Variants in DOCK8 observed in about 807,000 individuals in gnomAD.
The protein encoded by DOCK8 is dedicator of cytokinesis 8.
DOCK8 carries 141 observed loss-of-function variants against 245.6 expected under a neutral mutation model. The observed-to-expected ratio is 0.57, with a 90% CI of 0.50 to 0.66. The LOEUF (loss-of-function observed/expected upper bound fraction) is 0.66. Among genes scored for constraint, DOCK8 ranks in the 30% least tolerant of loss-of-function variants. The pLI, the probability that DOCK8 is intolerant of heterozygous loss-of-function variation, is 0.00. For missense variants in DOCK8, 2,965 were observed against 2,603.4 expected, an observed-to-expected ratio of 1.14 and a Z score of -3.02; for synonymous variants, 1,168 against 970.2, an observed-to-expected ratio of 1.20 and a Z score of -3.79.
intron 14 of DOCK8, 65 bp from the exon 15 acceptor site, chr9:367,953 C>A: frequency 7.4e-7 from 1 of 1,354,998 alleles, no homozygotes; most frequent in Non-Finnish European, 1.1e-6. Flanking sequence ...TCAGCATTTG[C>A]TGAAGAACTT....
rs533201707 is a variant in DOCK8, at chr9:299,883, G to A, written c.405-4698G>A. Among the ~76,000 whole-genome samples, 21 of 152,150 alleles carry A rather than the reference G, an allele frequency of 1.4e-4. No individual in the cohort carries two copies. In the South Asian group the frequency reaches 2.5e-3, roughly 18 times the overall value. On this transcript the variant is annotated intron_variant, in intron 4 of 47. Transcript: ENST00000432829. ...AAAAATACAAAAAAATTAGCTGGCT[G>A]TGGTGGTGGGCGCCTGTAGTCCAAG...
chr9:350,308 C>G (rs1000879338), intron 14 of DOCK8, among the ~76,000 whole-genome samples: 4 of 152,180 alleles, frequency 2.6e-5, no homozygotes, highest in Admixed American at 6.5e-5. Context: ...GACAAGGTCT[C>G]ACTCTGTTGC....
intron 24 of DOCK8, among the ~76,000 whole-genome samples, chr9:393,523 T>C (rs2054300432): frequency 6.6e-6 from 1 of 152,182 alleles, no homozygotes; most frequent in Non-Finnish European, 1.5e-5. Context: ...AAAGAGAGTC[T>C]CCAAGTCAGC....
chr9:224,781 G>T (rs7873617), intron 1 of DOCK8, among the ~76,000 whole-genome samples: 1,680 of 152,208 alleles, frequency 0.011, 28 homozygotes, highest in African/African-American at 0.039. Context: ...TCATCATACG[G>T]CATTTATACT....
chr9:434,102 T>C (rs2056813171), intron 38 of DOCK8, 127 bp downstream of exon 38: 1 of 728,028 alleles, frequency 1.4e-6, no homozygotes, highest in South Asian at 1.5e-5. Context: ...CCAAATAATA[T>C]ATAGAAATTA....
chr9:368,033 C>G lies in DOCK8; in HGVS notation c.1695C>G (p.Val565=), dbSNP rs142555294. 6.2e-7 allele frequency: 1 copy of G among 1,613,554 alleles called. No individual in the cohort carries two copies. Among genetic ancestry groups the G allele is most frequent in the African/African-American group, 1.3e-5 (1 of 75,038 alleles). ...PHTVYRNLLY[V]YPQRLNFVNK... Reference sequence around the variant, plus strand: ...TCTTTTCCAGAAACCTTCTCTATGTCTACCCACAGAGGCTGAACTTTGTAA... The same window carrying G: ...TCTTTTCCAGAAACCTTCTCTATGTGTACCCACAGAGGCTGAACTTTGTAA... The change falls in exon 15 of 48, where the codon GTC becomes GTG. Residue 565 remains valine (V), a synonymous_variant. Coordinates refer to ENST00000432829, the MANE Select transcript of DOCK8 (RefSeq NM_203447.4).
rs543495038 is a variant in DOCK8, at chr9:429,550, T to A, written c.4474-152T>A. On this transcript the variant is annotated intron_variant, in intron 35 of 47. Coordinates refer to ENST00000432829, the MANE Select transcript of DOCK8 (RefSeq NM_203447.4). ...GTCTACTCCATTGCTTAAATCCATC[T>A]TCTGATTCACATAGCTCATTATCTT... 2.7e-5 allele frequency: 24 copies of A among 904,198 alleles called. No homozygotes were observed. In the African/African-American group the frequency reaches 3.3e-4, roughly 12 times the overall value. 56.0% of individuals were successfully genotyped at this position (904,198 alleles called of 1,614,324 possible).
Position 215,023 on chromosome 9 carries a change from TC to T in DOCK8, c.48del (p.Asn17ThrfsTer8). ...SAERRAFALK[I>X]NRYSSAEIRK... ...GAGCGCCGCGCGTTCGCGCTCAAGA[TC>T]AACAGGTAAGACGCCCCCCGCGGCG... On this transcript the variant is annotated frameshift_variant, in exon 1 of 48. Coordinates refer to ENST00000432829, the MANE Select transcript of DOCK8 (RefSeq NM_203447.4). LOFTEE classifies it high-confidence loss of function. 1 of 1,587,806 alleles carries T rather than the reference TC, an allele frequency of 6.3e-7. No individual in the cohort carries two copies. The highest frequency in any genetic ancestry group is 1.1e-5 in the South Asian group (1 of 88,834).
chr9:434,030 C>A, intron 38 of DOCK8, 55 bp downstream of exon 38: 1 of 1,247,618 alleles, frequency 8.0e-7, no homozygotes, highest in Non-Finnish European at 1.2e-6. Flanking sequence ...GGATTTGTCA[C>A]TGTGGAGTTC....
At chr9:295,534 A>G (rs543842433) in intron 4 of DOCK8, among the ~76,000 whole-genome samples, 3 of 152,322 alleles carry the variant, frequency 2.0e-5, no homozygotes, top group South Asian at 4.1e-4. Context: ...CAAAGGAATG[A>G]ACACAAAATT....
rs148984407 is a variant in DOCK8 at position 303,070 on chromosome 9, A to C, written c.405-1511A>C. On this transcript the variant is annotated intron_variant, in intron 4 of 47. Coordinates refer to ENST00000432829, the MANE Select transcript of DOCK8 (RefSeq NM_203447.4). ...CACCTACTGGGAGGCTGAGGTGGGA[A>C]GATTGCTTGAGCCTAGGAATTCAAG... 4.2e-3 allele frequency among the ~76,000 whole-genome samples: 641 copies of C among 152,154 alleles called. 6 individuals are homozygous for C. The highest frequency in any genetic ancestry group is 0.015 in the African/African-American group (617 of 41,534).
intron 44 of DOCK8, among the ~76,000 whole-genome samples, chr9:448,447 A>G (rs911379538): frequency 2.0e-5 from 3 of 152,132 alleles, no homozygotes; most frequent in African/African-American, 7.2e-5. Flanking sequence ...AACAACCTCA[A>G]CAACAGTTCT....
chr9:251,552 T>C (rs2047646272), intron 1 of DOCK8, among the ~76,000 whole-genome samples: 1 of 149,906 alleles, frequency 6.7e-6, no homozygotes, highest in Admixed American at 6.6e-5. Flanking sequence ...ATACCAGAAG[T>C]TTCACTCCGA....
intron 14 of DOCK8, among the ~76,000 whole-genome samples, chr9:346,417 G>A (rs1244243436): frequency 6.6e-6 from 1 of 152,122 alleles, no homozygotes; most frequent in South Asian, 2.1e-4. Context: ...CCGCCAGAGG[G>A]GTATGTGCGG....
At position 399,128 on chromosome 9, in the gene DOCK8, T is replaced by C. The variant is rs1183023956; in HGVS notation, c.3121-18T>C. ...AGAGTGTCCCACAAAATGATTTGGG[T>C]GTTTGTTTGTTTTTAAGGAAAATGA... is the stretch of plus-strand genomic sequence containing the variant. On this transcript the variant is annotated intron_variant, in intron 25 of 47. Coordinates refer to ENST00000432829, the MANE Select transcript of DOCK8 (RefSeq NM_203447.4). 6.2e-7 allele frequency: 1 copy of C among 1,607,406 alleles called. No individual in the cohort carries two copies. The highest frequency in any genetic ancestry group is 1.3e-5 in the African/African-American group (1 of 74,834).
chr9:226,217 C>A (rs982928750), intron 1 of DOCK8, among the ~76,000 whole-genome samples: 1 of 152,184 alleles, frequency 6.6e-6, no homozygotes, highest in East Asian at 1.9e-4. Flanking sequence ...GGCAAGAGAG[C>A]GTGTGCAGGG....
At chr9:415,643 G>A (rs2055962386) in intron 29 of DOCK8, among the ~76,000 whole-genome samples, 1 of 147,580 alleles carries the variant, frequency 6.8e-6, no homozygotes, top group African/African-American at 2.6e-5. Flanking sequence ...GCAGTCCATT[G>A]GCCTACCCTC....
intron 1 of DOCK8, among the ~76,000 whole-genome samples, chr9:245,281 T>G (rs753072816): frequency 1.6e-4 from 25 of 152,182 alleles, no homozygotes; most frequent in Non-Finnish European, 2.9e-4. Flanking sequence ...CTCAGCTCAC[T>G]GCAACCTCCA....
At chr9:219,883 C>T (rs1022729604) in intron 1 of DOCK8, among the ~76,000 whole-genome samples, 2 of 151,874 alleles carry the variant, frequency 1.3e-5, no homozygotes, top group African/African-American at 4.8e-5. Context: ...AGTGACAGAG[C>T]GAGACTCTAT....
Sources: gnomAD v4.1 joint callset for allele counts (sites outside exome capture counted in the v4.1 genomes callset) on GRCh38, gnomAD v4.1.1 for gene constraint, MANE v1.5 for transcripts, NCBI Gene and HGNC (gene_info 2026-07-23, HGNC 2026-07-21) for gene names.